ARHGAP30: variants seen among roughly 807,000 people sequenced by gnomAD.
ARHGAP30 encodes rho GTPase-activating protein 30.
ARHGAP30 carries 23 observed loss-of-function variants against 72.0 expected under a neutral mutation model. The observed-to-expected ratio is 0.32, with a 90% CI of 0.23 to 0.45. ARHGAP30 has a LOEUF of 0.45. ARHGAP30 is among the 20% of genes least tolerant of loss of function. ARHGAP30 has a pLI of 1.00. For synonymous variants in ARHGAP30, 576 were observed against 528.2 expected (o/e 1.09, Z -1.24); for missense variants, 1,319 against 1,383.4 (o/e 0.95, Z 0.74).
intron 1 of ARHGAP30, among the ~76,000 whole-genome samples, chr1:161,067,961 G>C (rs1652886230): frequency 1.3e-5 from 2 of 151,036 alleles, no homozygotes; most frequent in Admixed American, 1.3e-4. Context: ...CTGGTCTCCT[G>C]CTCTCGGATT....
chr1:161,057,367 AG>A (rs946932141), intron 2 of ARHGAP30, among the ~76,000 whole-genome samples: 2 of 152,196 alleles, frequency 1.3e-5, no homozygotes, highest in African/African-American at 4.8e-5. Context: ...ACCATAGGAA[AG>A]GGGGAAAAAA....
chr1:161,056,635 T>C, intron 2 of ARHGAP30, 103 bp from the exon 3 acceptor site: 1 of 1,306,626 alleles, frequency 7.7e-7, no homozygotes, highest in Non-Finnish European at 1.0e-6. Flanking sequence ...GGTCAACATG[T>C]GTTGGACTTG....
chr1:161,065,896 T>TTTAC (rs1384420856), intron 1 of ARHGAP30, among the ~76,000 whole-genome samples: 2 of 148,002 alleles, frequency 1.4e-5, no homozygotes, highest in Non-Finnish European at 3.0e-5. Context: ...TATTTATTTA[T>TTTAC]TTATTTATTT....
chr1:161,068,076 G>C (rs545457225), intron 1 of ARHGAP30, among the ~76,000 whole-genome samples: 162 of 152,328 alleles, frequency 1.1e-3, no homozygotes, highest in African/African-American at 3.7e-3. Flanking sequence ...TATAGGAGCA[G>C]GGTCTGGGCT....
At position 161,048,984 on chromosome 1, in the gene ARHGAP30, T is replaced by C; in HGVS notation, c.2037A>G (p.Pro679=). Residue 679 remains proline (P), a synonymous_variant, in exon 12 of 12, where the codon CCA becomes CCG. Coordinates refer to ENST00000368013, the MANE Select transcript of ARHGAP30 (RefSeq NM_001025598.2). ...LDIREEAEGS[P]ETKVEAGKAS... ...CCTTTCCAGCCTCCACCTTGGTCTC[T>C]GGACTTCCCTCTGCCTCTTCCCTGA... 1.2e-6 allele frequency: 2 copies of C among 1,613,860 alleles called. No individual in the cohort carries two copies.
intron 3 of ARHGAP30, among the ~76,000 whole-genome samples, chr1:161,055,788 T>TTAAAA (rs1553217853): frequency 6.1e-5 from 7 of 115,356 alleles, no homozygotes; most frequent in Non-Finnish European, 1.2e-4. Context: ...CATCTTAAAA[T>TTAAAA]TAAAATAAAA....
At chr1:161,065,846 C>A (rs182096438) in intron 1 of ARHGAP30, among the ~76,000 whole-genome samples, 1 of 151,728 alleles carries the variant, frequency 6.6e-6, no homozygotes, top group South Asian at 2.1e-4. Flanking sequence ...GGATTACAGG[C>A]GTGAGCCACT....
Position 161,047,118 on chromosome 1 carries a change from C to A in ARHGAP30, c.*597G>T. On this transcript the variant is annotated 3_prime_UTR_variant, in exon 12 of 12. Transcript: ENST00000368013. Reference sequence around the variant, plus strand: ...AGAGCCCAGAGAGATCTGTACAGGACCTCTCTTGCACATGGTGACTGGAGG... The same window carrying A: ...AGAGCCCAGAGAGATCTGTACAGGAACTCTCTTGCACATGGTGACTGGAGG... 3.0e-6 allele frequency: 1 copy of A among 337,150 alleles called. No individual in the cohort carries two copies. The highest frequency in any genetic ancestry group is 2.3e-5 in the South Asian group (1 of 43,700). The allele number at this position is 337,150 out of a possible 1,614,324, so 20.9% of individuals were successfully genotyped here. A position where few individuals can be genotyped will look rare whatever the true frequency, so the allele number is the denominator to read the frequency against.
At chr1:161,054,753 C>T in intron 3 of ARHGAP30, 48 bp from the exon 4 acceptor site, 1 of 1,530,292 alleles carries the variant, frequency 6.5e-7, no homozygotes, top group Non-Finnish European at 9.1e-7. Context: ...CCAGCAATGC[C>T]CCTGCTTACT....
Position 161,051,602 on chromosome 1 carries a change from C to CTT in ARHGAP30, c.1130_1131dup (p.Ala378LysfsTer137). 6.2e-7 allele frequency: 1 copy of CTT among 1,613,768 alleles called. No homozygotes were observed. Among genetic ancestry groups the CTT allele is most frequent in the Non-Finnish European group, 8.5e-7 (1 of 1,180,036 alleles). On this transcript the variant is annotated frameshift_variant, in exon 10 of 12. Coordinates refer to ENST00000368013, the MANE Select transcript of ARHGAP30 (RefSeq NM_001025598.2). LOFTEE classifies it high-confidence loss of function. ...GGTTCAGAGTTTGTGCCACCCAGTG[C>CTT]TTCTGCCTCAGGCTCCTGTTCACCC... is the stretch of plus-strand genomic sequence containing the variant.
At chr1:161,062,932 A>G (rs945210780) in intron 1 of ARHGAP30, among the ~76,000 whole-genome samples, 6 of 151,658 alleles carry the variant, frequency 4.0e-5, no homozygotes, top group African/African-American at 1.2e-4. Flanking sequence ...CTCCTGCCTC[A>G]GCCTCCCTAG....
chr1:161,051,788 T>G, intron 9 of ARHGAP30, 73 bp from the exon 10 acceptor site: 1 of 1,458,814 alleles, frequency 6.9e-7, no homozygotes, highest in Non-Finnish European at 9.0e-7. Flanking sequence ...AAGAAGGCTC[T>G]GGAGAATGCT....
At chr1:161,060,304 A>C (rs577529841) in intron 1 of ARHGAP30, 31 of 406,066 alleles carry the variant, frequency 7.6e-5, no homozygotes, top group Non-Finnish European at 1.2e-4. Flanking sequence ...AAAGAAATTT[A>C]TCTCTCTTGG....
intron 5 of ARHGAP30, 57 bp from the exon 6 acceptor site, chr1:161,053,442 T>G: frequency 6.7e-7 from 1 of 1,484,140 alleles, no homozygotes. Context: ...CCAATCCAGA[T>G]TCTCCCTGAA....
intron 1 of ARHGAP30, among the ~76,000 whole-genome samples, chr1:161,062,865 A>G (rs1188353582): frequency 6.6e-6 from 1 of 151,372 alleles, no homozygotes; most frequent in Non-Finnish European, 1.5e-5. Context: ...CCCAGGCTGG[A>G]GTGCAGTGGC....
intron 1 of ARHGAP30, among the ~76,000 whole-genome samples, chr1:161,065,077 C>A (rs930509898): frequency 2.0e-5 from 3 of 152,138 alleles, no homozygotes; most frequent in Non-Finnish European, 2.9e-5. Context: ...TGCATTCAAG[C>A]AGTTCTGGTG....
chr1:161,053,462 T>TTC (rs57196073), intron 5 of ARHGAP30, 77 bp from the exon 6 acceptor site: 44,714 of 684,484 alleles, frequency 0.065, 1,002 homozygotes, highest in Non-Finnish European at 0.073. Flanking sequence ...AAATACCTTA[T>TTC]TCTCTCTCTC....
At chr1:161,061,961 G>C (rs916956843) in intron 1 of ARHGAP30, among the ~76,000 whole-genome samples, 2 of 152,100 alleles carry the variant, frequency 1.3e-5, no homozygotes, top group Non-Finnish European at 2.9e-5. Context: ...GGCAGCGCAC[G>C]CCTATAATTC....
chr1:161,068,646 C>T (rs1479067347), intron 1 of ARHGAP30, among the ~76,000 whole-genome samples: 4 of 152,106 alleles, frequency 2.6e-5, no homozygotes, highest in East Asian at 3.8e-4. Flanking sequence ...GGCTGGGCAG[C>T]CAGGGTGCCT....
Sources: gnomAD v4.1 joint callset for allele counts (sites outside exome capture counted in the v4.1 genomes callset) on GRCh38, gnomAD v4.1.1 for gene constraint, MANE v1.5 for transcripts, NCBI Gene and HGNC (gene_info 2026-07-23, HGNC 2026-07-21) for gene names.